MARCHF3: variants seen among roughly 807,000 people sequenced by gnomAD.
MARCHF3 encodes the protein E3 ubiquitin-protein ligase MARCHF3.
MARCHF3 carries 13 observed loss-of-function variants against 24.2 expected under a neutral mutation model. The observed-to-expected ratio is 0.54, with a 90% CI of 0.35 to 0.85. MARCHF3 has a LOEUF of 0.85. MARCHF3 is among the 40% of genes least tolerant of loss of function. The pLI is 0.01. For synonymous variants in MARCHF3, 144 were observed against 137.3 expected, an observed-to-expected ratio of 1.05 and a Z score of -0.34; for missense variants, 276 against 325.0, an observed-to-expected ratio of 0.85 and a Z score of 1.16.
At chr5:126,895,974 T>G (rs373959682) in intron 3 of MARCHF3, among the ~76,000 whole-genome samples, 1 of 152,028 alleles carries the variant, frequency 6.6e-6, no homozygotes. Context: ...AATCCGTGGG[T>G]GTAGGACCCT....
At chr5:127,013,348 A>C (rs941089670) in intron 1 of MARCHF3, among the ~76,000 whole-genome samples, 1 of 152,202 alleles carries the variant, frequency 6.6e-6, no homozygotes, top group Non-Finnish European at 1.5e-5. Flanking sequence ...GGAAAAGAAA[A>C]GCTTCCGTTA....
At chr5:126,914,866 G>A (rs1301419417) in intron 3 of MARCHF3, 64 bp downstream of exon 3, 1 of 1,527,610 alleles carries the variant, frequency 6.5e-7, no homozygotes, top group Non-Finnish European at 9.0e-7. Context: ...TGTGATCCAG[G>A]CATAAAAACA....
intron 3 of MARCHF3, among the ~76,000 whole-genome samples, chr5:126,909,616 G>A (rs969881509): frequency 6.6e-6 from 1 of 152,170 alleles, no homozygotes; most frequent in Non-Finnish European, 1.5e-5. Context: ...TCTTTGACTA[G>A]GAAAGGGAAC....
chr5:126,993,213 T>A (rs1417354342), intron 1 of MARCHF3, among the ~76,000 whole-genome samples: 1 of 152,176 alleles, frequency 6.6e-6, no homozygotes, highest in Admixed American at 6.5e-5. Context: ...AGACAGCACA[T>A]AGATACATCC....
chr5:127,029,264 T>C (rs1753097641), intron 1 of MARCHF3, among the ~76,000 whole-genome samples: 1 of 152,228 alleles, frequency 6.6e-6, no homozygotes, highest in African/African-American at 2.4e-5. Flanking sequence ...TATGCGCATC[T>C]ACATCTTCAT....
At chr5:126,964,630 T>C (rs1171309866) in intron 1 of MARCHF3, among the ~76,000 whole-genome samples, 6 of 152,246 alleles carry the variant, frequency 3.9e-5, no homozygotes, top group African/African-American at 1.4e-4. Context: ...ATGGTTGTTT[T>C]TCAAGAGAAA....
intron 4 of MARCHF3, among the ~76,000 whole-genome samples, chr5:126,872,510 G>A (rs1368388255): frequency 1.3e-5 from 2 of 152,184 alleles, no homozygotes; most frequent in African/African-American, 4.8e-5. Flanking sequence ...GAGACCATGA[G>A]CTTGGAGTGA....
intron 3 of MARCHF3, among the ~76,000 whole-genome samples, chr5:126,892,565 G>C (rs909137299): frequency 2.7e-5 from 4 of 147,086 alleles, no homozygotes; most frequent in Admixed American, 2.0e-4. Context: ...TTTTGTCTTT[G>C]GCTCTGTTTA....
intron 1 of MARCHF3, among the ~76,000 whole-genome samples, chr5:127,008,626 T>C (rs1379706992): frequency 3.3e-5 from 5 of 152,222 alleles, no homozygotes; most frequent in African/African-American, 1.2e-4. Flanking sequence ...AAATAAACTG[T>C]GTTCTATTAT....
At chr5:126,906,453 C>CT (rs1561418719) in intron 3 of MARCHF3, among the ~76,000 whole-genome samples, 1 of 152,084 alleles carries the variant, frequency 6.6e-6, no homozygotes, top group Admixed American at 6.6e-5. Flanking sequence ...GTCCTGGACT[C>CT]TTTTTCGTTG....
intron 1 of MARCHF3, among the ~76,000 whole-genome samples, chr5:126,993,809 C>CTTTAAGTGACTT (rs1245357569): frequency 5.3e-5 from 8 of 152,186 alleles, no homozygotes; most frequent in Non-Finnish European, 1.2e-4. Context: ...CAATCAACAC[C>CTTTAAGTGACTT]TTTAAGTGAC....
At chr5:126,871,899 G>A (rs1387510387) in intron 4 of MARCHF3, among the ~76,000 whole-genome samples, 1 of 149,656 alleles carries the variant, frequency 6.7e-6, no homozygotes, top group Non-Finnish European at 1.5e-5. Context: ...TGGAGACAGG[G>A]TTTCACCATG....
intron 3 of MARCHF3, among the ~76,000 whole-genome samples, chr5:126,878,595 CAATAAT>C (rs1445352109): frequency 1.3e-5 from 2 of 152,156 alleles, no homozygotes; most frequent in Admixed American, 6.5e-5. Flanking sequence ...ATACAAATAA[CAATAAT>C]AATTTATAGT....
intron 3 of MARCHF3, among the ~76,000 whole-genome samples, chr5:126,893,140 C>T (rs1385896851): frequency 6.6e-6 from 1 of 151,894 alleles, no homozygotes; most frequent in Non-Finnish European, 1.5e-5. Context: ...GTGATATCCC[C>T]TTTATCATTT....
intron 1 of MARCHF3, among the ~76,000 whole-genome samples, chr5:126,935,596 T>C (rs1009559730): frequency 4.8e-5 from 7 of 146,848 alleles, no homozygotes; most frequent in Non-Finnish European, 9.0e-5. Context: ...CGAATGTATA[T>C]ATGGCTTTTT....
intron 1 of MARCHF3, among the ~76,000 whole-genome samples, chr5:126,990,614 T>A (rs2126842766): frequency 6.6e-6 from 1 of 152,228 alleles, no homozygotes; most frequent in African/African-American, 2.4e-5. Context: ...ACAGGCAACC[T>A]AGAGAATGGG....
intron 3 of MARCHF3, among the ~76,000 whole-genome samples, chr5:126,914,341 G>A (rs149632060): frequency 6.6e-6 from 1 of 152,156 alleles, no homozygotes; most frequent in African/African-American, 2.4e-5. Context: ...TTTCCCAAGT[G>A]AGATATTTTC....
At chr5:126,999,528 G>A (rs2126849322) in intron 1 of MARCHF3, among the ~76,000 whole-genome samples, 1 of 152,230 alleles carries the variant, frequency 6.6e-6, no homozygotes, top group East Asian at 1.9e-4. Context: ...TCTATTTCTA[G>A]GCCTAAATTT....
intron 1 of MARCHF3, among the ~76,000 whole-genome samples, chr5:127,025,870 A>G (rs1427537973): frequency 1.3e-5 from 2 of 152,178 alleles, no homozygotes; most frequent in African/African-American, 2.4e-5. Context: ...ATATTACTAG[A>G]CCCAAAAAGC....
Sources: gnomAD v4.1 joint callset for allele counts (sites outside exome capture counted in the v4.1 genomes callset) on GRCh38, gnomAD v4.1.1 for gene constraint, MANE v1.5 for transcripts, NCBI Gene and HGNC (gene_info 2026-07-23, HGNC 2026-07-21) for gene names.